PTPRM: variants seen among roughly 807,000 people sequenced by gnomAD.
PTPRM encodes protein tyrosine phosphatase receptor type M.
In PTPRM, 47 loss-of-function variants were observed where a neutral mutation model predicts 186.7. The observed-to-expected ratio is 0.25, with a 90% CI of 0.20 to 0.32. The LOEUF is 0.32. Ranked by LOEUF, PTPRM falls within the 10% of genes least tolerant of loss-of-function variation. The pLI is 1.00. For missense variants in PTPRM, 1,494 were observed against 1,865.0 expected (o/e 0.80, Z 3.66); for synonymous variants, 668 against 674.9 (o/e 0.99, Z 0.16).
At chr18:8,320,346 G>T (rs2095338080) in intron 22 of PTPRM, among the ~76,000 whole-genome samples, 1 of 152,122 alleles carries the variant, frequency 6.6e-6, no homozygotes, top group Non-Finnish European at 1.5e-5. Flanking sequence ...AACAGATTGA[G>T]GCTGGGTCCC....
chr18:8,353,736 A>T (rs2095548283), intron 23 of PTPRM, among the ~76,000 whole-genome samples: 1 of 152,118 alleles, frequency 6.6e-6, no homozygotes, highest in South Asian at 2.1e-4. Context: ...AATGAGCAAT[A>T]ATGTGGTGCT....
intron 1 of PTPRM, among the ~76,000 whole-genome samples, chr18:7,578,621 C>G (rs1253049852): frequency 6.6e-6 from 1 of 150,700 alleles, no homozygotes; most frequent in African/African-American, 2.4e-5. Context: ...AGGCGTGAGC[C>G]ACAGCGCCTG....
chr18:8,264,317 CT>C (rs2147530921), intron 19 of PTPRM, among the ~76,000 whole-genome samples: 1 of 152,252 alleles, frequency 6.6e-6, no homozygotes, highest in East Asian at 1.9e-4. Flanking sequence ...CAAAGAAACT[CT>C]ATATCATCAT....
rs574221490 is a variant in PTPRM, at chr18:7,999,175, C to T, written c.1132+43761C>T. Among the ~76,000 whole-genome samples, 5 of 152,194 alleles carry T rather than the reference C, an allele frequency of 3.3e-5. No individual in the cohort carries two copies. In the East Asian group the frequency reaches 9.7e-4, roughly 30 times the overall value. On this transcript the variant is annotated intron_variant, in intron 7 of 32. Transcript: ENST00000580170. ...AGCCCCACACTCACTTACAATGGAA[C>T]ACTTGAGAGAATCCCATTAACCTGT...
chr18:7,922,012 T>C (rs1454276779), intron 4 of PTPRM, among the ~76,000 whole-genome samples: 1 of 152,216 alleles, frequency 6.6e-6, no homozygotes, highest in Non-Finnish European at 1.5e-5. Context: ...TTTTGTTTTT[T>C]ATTGGACATT....
rs767600386 is a variant in PTPRM at position 8,394,467 on chromosome 18, T to C, written c.4209-9T>C. The C allele has an allele frequency of 7.5e-6, 12 of 1,604,636 alleles. No homozygotes were observed. The African/African-American group carries it at 1.3e-4, about 18-fold the overall frequency. ...ACCGAGTGCAGTCATCTGATCTTTT[T>C]CACGACAGGAACGGGGGAGGCCGCA... On this transcript the variant is annotated splice_polypyrimidine_tract_variant and intron_variant, in intron 31 of 32. Coordinates refer to ENST00000580170, the MANE Select transcript of PTPRM (RefSeq NM_001105244.2).
chr18:8,182,159 C>CA (rs1180226237), intron 14 of PTPRM, among the ~76,000 whole-genome samples: 1 of 152,066 alleles, frequency 6.6e-6, no homozygotes, highest in African/African-American at 2.4e-5. Flanking sequence ...TGAATATATT[C>CA]AAAAATGTCT....
intron 1 of PTPRM, among the ~76,000 whole-genome samples, chr18:7,737,004 A>G (rs2040784607): frequency 6.6e-6 from 1 of 152,174 alleles, no homozygotes; most frequent in Non-Finnish European, 1.5e-5. Flanking sequence ...GGGGTTTTAC[A>G]TGTTTGCCAG....
chr18:8,237,451 T>A (rs1427678426), intron 14 of PTPRM, among the ~76,000 whole-genome samples: 4 of 91,570 alleles, frequency 4.4e-5, no homozygotes, highest in Non-Finnish European at 7.4e-5. Flanking sequence ...TTTTTTTTTT[T>A]TTTTTTTTTT....
chr18:7,959,700 A>T lies in PTPRM; in HGVS notation c.1132+4286A>T, dbSNP rs1441901141. Among the ~76,000 whole-genome samples, 6 of 152,138 alleles carry T rather than the reference A, an allele frequency of 3.9e-5. No individual in the cohort carries two copies. The East Asian group carries it at 1.2e-3, about 29-fold the overall frequency. ...TCCCTGATTCCACATCTTCATCTCT[A>T]ATTTGGGGCAGCAACACCTGCCCTG... On this transcript the variant is annotated intron_variant, in intron 7 of 32. Coordinates refer to ENST00000580170, the MANE Select transcript of PTPRM (RefSeq NM_001105244.2).
At chr18:8,096,102 T>G (rs511993) in intron 11 of PTPRM, among the ~76,000 whole-genome samples, 99,154 of 151,994 alleles carry the variant, frequency 0.65, 32,604 homozygotes, top group African/African-American at 0.72. Context: ...GTTGAGGTGT[T>G]ACCATGATGC....
At chr18:8,195,152 CTT>C (rs1164451439) in intron 14 of PTPRM, among the ~76,000 whole-genome samples, 9,758 of 116,966 alleles carry the variant, frequency 0.083, 434 homozygotes, top group Middle Eastern at 0.31. Flanking sequence ...CTTAGAAGTT[CTT>C]TTTTTTTTTT....
chr18:7,640,808 G>T (rs1012928472), intron 1 of PTPRM, among the ~76,000 whole-genome samples: 1 of 152,088 alleles, frequency 6.6e-6, no homozygotes, highest in Non-Finnish European at 1.5e-5. Flanking sequence ...AATTAAGAGG[G>T]TGCTTAACTC....
At position 7,567,694 on chromosome 18, in the gene PTPRM, T is replaced by C. The variant is rs2036458588; in HGVS notation, c.-125T>C. On this transcript the variant is annotated 5_prime_UTR_variant, in exon 1 of 33. Coordinates refer to ENST00000580170, the MANE Select transcript of PTPRM (RefSeq NM_001105244.2). The surrounding 1 kb of genome is among the most constrained non-coding windows in gnomAD (Gnocchi z 4.3). ...CTGCAACTGTTGGCACTTTGGGGGC[T>C]TGGCTTAGCGCTCTGCTGTTTACCC... 1.2e-6 allele frequency: 1 copy of C among 861,432 alleles called. No individual in the cohort carries two copies. 53.4% of individuals were successfully genotyped at this position (861,432 alleles called of 1,614,324 possible).
At chr18:8,388,627 G>C (rs890827148) in intron 31 of PTPRM, among the ~76,000 whole-genome samples, 21 of 152,118 alleles carry the variant, frequency 1.4e-4, no homozygotes, top group African/African-American at 4.8e-4. Flanking sequence ...TTCTCTAGTT[G>C]CTGTCATCCC....
At chr18:8,220,890 T>C (rs1386070755) in intron 14 of PTPRM, among the ~76,000 whole-genome samples, 1 of 152,208 alleles carries the variant, frequency 6.6e-6, no homozygotes, top group Non-Finnish European at 1.5e-5. Flanking sequence ...ACATCTCCTT[T>C]ATAATCATTC....
intron 14 of PTPRM, among the ~76,000 whole-genome samples, chr18:8,205,733 G>A (rs922194676): frequency 1.3e-5 from 2 of 152,080 alleles, no homozygotes; most frequent in Admixed American, 1.3e-4. Context: ...TCAGGACATA[G>A]TGTCAGATTG....
intron 2 of PTPRM, among the ~76,000 whole-genome samples, chr18:7,860,253 AGTAGAGACGGG>A (rs2047303397): frequency 6.6e-6 from 1 of 151,918 alleles, no homozygotes; most frequent in African/African-American, 2.4e-5. Flanking sequence ...TTGTATTTTT[AGTAGAGACGGG>A]GTTTCACCAT....
rs747357781 is a variant in PTPRM, at chr18:8,343,412, T to G, written c.2957-11T>G. 12 of 1,608,262 alleles carry G rather than the reference T, an allele frequency of 7.5e-6. No individual in the cohort carries two copies. The highest frequency in any genetic ancestry group is 1.0e-5 in the Non-Finnish European group (12 of 1,178,434). ...ACAAAAACAAAAAGTTTCTGTTGTG[T>G]TTTGCTGCAGGGCCAATGCAGGAAA... On this transcript the variant is annotated splice_polypyrimidine_tract_variant and intron_variant, in intron 22 of 32. Coordinates refer to ENST00000580170, the MANE Select transcript of PTPRM (RefSeq NM_001105244.2).
Sources: allele counts gnomAD v4.1 joint callset (sites outside exome capture counted in the v4.1 genomes callset), GRCh38; gene constraint gnomAD v4.1.1; non-coding constraint Gnocchi (gnomAD v3.1); transcripts MANE v1.5; gene names NCBI Gene and HGNC (gene_info 2026-07-23, HGNC 2026-07-21).